Variants in CRAT observed in about 807,000 individuals in gnomAD.
The protein encoded by CRAT is carnitine O-acetyltransferase, also known as carnitine acetylase.
CRAT carries 66 observed loss-of-function variants against 73.7 expected under a neutral mutation model. The ratio of observed to expected loss-of-function variants is 0.90; its 90% confidence interval spans 0.73 to 1.10. The LOEUF (loss-of-function observed/expected upper bound fraction) is 1.10. Among genes scored for constraint, CRAT ranks in the 50% least tolerant of loss-of-function variants. The pLI, the probability that CRAT is intolerant of heterozygous loss-of-function variation, is 0.00. For synonymous variants in CRAT, 321 were observed against 343.2 expected (o/e 0.94, Z 0.71); for missense variants, 745 against 846.9 (o/e 0.88, Z 1.49).
Position 129,110,639 on chromosome 9 carries a change from G to T in CRAT, c.-130C>A. The T allele has an allele frequency of 8.7e-7, 1 of 1,145,508 alleles. No homozygotes were observed. Among genetic ancestry groups the T allele is most frequent in the Non-Finnish European group, 1.2e-6 (1 of 861,416 alleles). 71.0% of individuals were successfully genotyped at this position (1,145,508 alleles called of 1,614,324 possible). On this transcript the variant is annotated 5_prime_UTR_variant, in exon 1 of 14. The change creates a new upstream start codon in the 5' untranslated region. Transcript: ENST00000318080. This position sits in a 1 kb window ranked among gnomAD's most constrained non-coding sequence, Gnocchi z 5.3. ...TTCGGGCCAAGGTCGCTGAGTTACA[G>T]CCGCCAGCCGGTAGAGGCAGCCCCG...
chr9:129,098,276 T>G lies in CRAT; in HGVS notation c.1301A>C (p.Gln434Pro). The G allele has an allele frequency of 6.2e-7, 1 of 1,613,988 alleles. No homozygotes were observed. The highest frequency in any genetic ancestry group is 8.5e-7 in the Non-Finnish European group (1 of 1,180,024). Residue 434 changes from glutamine to proline, a missense_variant, in exon 10 of 14, where the codon CAG becomes CCG. Transcript: ENST00000318080. ...GTAGTAGGCCAGCTGCAAAGCCATC[T>G]GGATGAAGGCATCTGGGCTTAGCTT... Reference protein sequence around the residue: ...SEKLSPDAFIQMALQLAYYRI... With the variant: ...SEKLSPDAFIPMALQLAYYRI...
In CRAT at chr9:129,101,896, G is replaced by T. The variant is rs777161735; in HGVS notation, c.792C>A (p.Asn264Lys). 5 of 1,614,030 alleles carry T rather than the reference G, an allele frequency of 3.1e-6. No homozygotes were observed. The highest frequency in any genetic ancestry group is 3.4e-6 in the Non-Finnish European group (4 of 1,179,974). ...CCCAAGAGGCACCTTTGATGAGGGTGTTGTATGCCTTGGCCCAGGAGTTGC... is the reference window on the plus strand; with the variant it reads ...CCCAAGAGGCACCTTTGATGAGGGTTTTGTATGCCTTGGCCCAGGAGTTGC... Reference protein sequence around the residue: ...NHRNSWAKAYNTLIKDKVNRD... With the variant: ...NHRNSWAKAYKTLIKDKVNRD... Residue 264 changes from asparagine (N) to lysine (K), a missense_variant, in exon 6 of 14, where the codon AAC (asparagine) becomes AAA (lysine). Coordinates refer to ENST00000318080, the MANE Select transcript of CRAT (RefSeq NM_000755.5).
intron 1 of CRAT, chr9:129,108,653 C>A (rs369677858): frequency 8.2e-7 from 1 of 1,222,228 alleles, no homozygotes; most frequent in Non-Finnish European, 1.1e-6. Flanking sequence ...GGGTGAGAGG[C>A]GGCAGAGAGA....
chr9:129,099,746 G>GA, intron 8 of CRAT, 120 bp downstream of exon 8: 3 of 800,310 alleles, frequency 3.7e-6, no homozygotes, highest in Admixed American at 2.8e-5. Flanking sequence ...GGCTTCCTTG[G>GA]AAAAAAACAG....
Position 129,107,904 on chromosome 9 carries a change from C to G in CRAT, c.201G>C (p.Lys67Asn). The G allele has an allele frequency of 6.2e-7, 1 of 1,611,550 alleles. No homozygotes were observed. Among genetic ancestry groups the G allele is most frequent in the Non-Finnish European group, 8.5e-7 (1 of 1,179,944 alleles). Reference protein sequence around the residue: ...IVSEEEWAHTKQLVDEFQASG... With the variant: ...IVSEEEWAHTNQLVDEFQASG... The stretch of plus-strand genomic sequence containing the variant: ...AGGCCTGAAACTCATCCACCAGCTG[C>G]TTGGTGTGGGCCCACTCCTCCTCAC... The change falls in exon 2 of 14, where the codon AAG becomes AAC. Residue 67 changes from lysine to asparagine, a missense_variant. Coordinates refer to ENST00000318080, the MANE Select transcript of CRAT (RefSeq NM_000755.5). This position sits in a 1 kb window ranked among gnomAD's most constrained non-coding sequence, Gnocchi z 5.0.
chr9:129,098,864 AGT>A (rs1847471941), intron 8 of CRAT, among the ~76,000 whole-genome samples: 1 of 143,922 alleles, frequency 6.9e-6, no homozygotes, highest in Non-Finnish European at 1.5e-5. Context: ...CCCAGGCTGG[AGT>A]GCAGTGATGT....
Position 129,110,223 on chromosome 9 carries a change from G to T in CRAT, c.27+260C>A, listed in dbSNP as rs903970757. ...CCTGTCTCTGGGTCTAAGGGTGGGGGTGCTAACTGAAGCCGGGGTCCCCCT... is the reference window on the plus strand; with the variant it reads ...CCTGTCTCTGGGTCTAAGGGTGGGGTTGCTAACTGAAGCCGGGGTCCCCCT... On this transcript the variant is annotated intron_variant, in intron 1 of 13. Coordinates refer to ENST00000318080, the MANE Select transcript of CRAT (RefSeq NM_000755.5). The surrounding 1 kb of genome is among the most constrained non-coding windows in gnomAD (Gnocchi z 5.3). Among the ~76,000 whole-genome samples, 2 of 152,172 alleles carry T rather than the reference G, an allele frequency of 1.3e-5. No homozygotes were observed. Among genetic ancestry groups the T allele is most frequent in the African/African-American group, 4.8e-5 (2 of 41,442 alleles).
intron 4 of CRAT, 69 bp downstream of exon 4, chr9:129,102,944 T>A: frequency 7.1e-7 from 1 of 1,416,748 alleles, no homozygotes; most frequent in Non-Finnish European, 1.0e-6. Context: ...AGGGCTGGGG[T>A]CAGAGGTGGC....
Position 129,100,496 on chromosome 9 carries a change from C to T in CRAT, c.984+15G>A. The T allele has an allele frequency of 6.2e-7, 1 of 1,607,450 alleles. No individual in the cohort carries two copies. Among genetic ancestry groups the T allele is most frequent in the African/African-American group, 1.3e-5 (1 of 74,988 alleles). ...TCAGGTGTGTGTGAGTGGGCGAAGC[C>T]CTGCCGGGCCTCACCTGCAGCGTCT... On this transcript the variant is annotated intron_variant, in intron 7 of 13. Transcript: ENST00000318080.
At chr9:129,097,392 C>A in intron 11 of CRAT, 80 bp from the exon 12 acceptor site, 3 of 1,123,262 alleles carry the variant, frequency 2.7e-6, no homozygotes, top group Non-Finnish European at 3.8e-6. Context: ...CCCCACCCAG[C>A]ACTAGATTCT....
Position 129,095,289 on chromosome 9 carries a change from C to T in CRAT, c.*108G>A. The stretch of plus-strand genomic sequence containing the variant: ...CGTGGCTCAGTAGATTTGGGGGGAC[C>T]AGGGAAGAGGGAACCAAGGAAGAGG... On this transcript the variant is annotated 3_prime_UTR_variant, in exon 14 of 14. Transcript: ENST00000318080. The T allele has an allele frequency of 8.2e-7, 1 of 1,220,988 alleles. No homozygotes were observed. The highest frequency in any genetic ancestry group is 1.2e-6 in the Non-Finnish European group (1 of 864,452). 75.6% of individuals were successfully genotyped at this position (1,220,988 alleles called of 1,614,324 possible).
chr9:129,099,628 A>G (rs1374858309), intron 8 of CRAT, among the ~76,000 whole-genome samples: 1 of 142,266 alleles, frequency 7.0e-6, no homozygotes, highest in Non-Finnish European at 1.5e-5. Flanking sequence ...TAGAGATGGC[A>G]TTTCACCATG....
chr9:129,100,251 C>G, intron 7 of CRAT: 1 of 585,848 alleles, frequency 1.7e-6, no homozygotes, highest in Non-Finnish European at 3.0e-6. Flanking sequence ...CAGGATTGCA[C>G]TGGTGACCCC....
intron 9 of CRAT, 74 bp downstream of exon 9, chr9:129,098,457 G>C: frequency 6.3e-7 from 1 of 1,591,036 alleles, no homozygotes; most frequent in East Asian, 2.2e-5. Flanking sequence ...TGACAGAGCT[G>C]GCACAGGAGC....
chr9:129,102,572 G>T lies in CRAT; in HGVS notation c.465-7C>A. ...CTCCACGGGCAGGGTCTCGCTATGGGGTAGAGGGGCAGTGAGGCCACCACT... is the reference window on the plus strand; with the variant it reads ...CTCCACGGGCAGGGTCTCGCTATGGTGTAGAGGGGCAGTGAGGCCACCACT... On this transcript the variant is annotated splice_polypyrimidine_tract_variant and splice_region_variant and intron_variant, in intron 4 of 13. Transcript: ENST00000318080. The T allele has an allele frequency of 1.2e-6, 2 of 1,613,768 alleles. No individual in the cohort carries two copies. Among genetic ancestry groups the T allele is most frequent in the East Asian group, 2.2e-5 (1 of 44,854 alleles).
Position 129,107,348 on chromosome 9 carries a change from G to A in CRAT, c.291+466C>T, listed in dbSNP as rs1848077144. ...CATCCAGCTGCCACTTTTTAAATCT[G>A]TGTATTGAAGTATGAGATGCAAATA... On this transcript the variant is annotated intron_variant, in intron 2 of 13. Transcript: ENST00000318080. The surrounding 1 kb of genome is among the most constrained non-coding windows in gnomAD (Gnocchi z 5.0). 4.2e-6 allele frequency: 2 copies of A among 472,532 alleles called. No homozygotes were observed. The highest frequency in any genetic ancestry group is 7.6e-6 in the Non-Finnish European group (2 of 261,590). 29.3% of individuals were successfully genotyped at this position (472,532 alleles called of 1,614,324 possible).
chr9:129,102,702 C>T (rs1847764687), intron 4 of CRAT, 137 bp from the exon 5 acceptor site: 2 of 1,050,914 alleles, frequency 1.9e-6, no homozygotes, highest in Admixed American at 2.0e-5. Context: ...CAGGACACCT[C>T]AGGGCTGTGC....
chr9:129,095,270 T>G lies in CRAT; in HGVS notation c.*127A>C. 1 of 1,044,194 alleles carries G rather than the reference T, an allele frequency of 9.6e-7. No homozygotes were observed. The highest frequency in any genetic ancestry group is 1.4e-6 in the Non-Finnish European group (1 of 718,212). The allele number at this position is 1,044,194 out of a possible 1,614,324, so 64.7% of individuals were successfully genotyped here. A position where few individuals can be genotyped will look rare whatever the true frequency, so the allele number is the denominator to read the frequency against. On this transcript the variant is annotated 3_prime_UTR_variant, in exon 14 of 14. Coordinates refer to ENST00000318080, the MANE Select transcript of CRAT (RefSeq NM_000755.5). ...CCCCCTGGAGGATGCGGTCCGTGGCTCAGTAGATTTGGGGGGACCAGGGAA... is the reference window on the plus strand; with the variant it reads ...CCCCCTGGAGGATGCGGTCCGTGGCGCAGTAGATTTGGGGGGACCAGGGAA...
At position 129,098,628 on chromosome 9, in the gene CRAT, A is replaced by T; in HGVS notation, c.1108T>A (p.Ser370Thr). 6.2e-7 allele frequency: 1 copy of T among 1,601,570 alleles called. No individual in the cohort carries two copies. Among genetic ancestry groups the T allele is most frequent in the Non-Finnish European group, 8.5e-7 (1 of 1,176,756 alleles). ...GGCATGGGCAGGGGCACCAGGGGAG[A>T]CCGCACAAGCTCGGGTTTCTTCCTG... The part of the protein sequence containing the change: ...EYTKKPELVR[S>T]PLVPLPMPKK... Residue 370 changes from serine (S) to threonine (T), a missense_variant, in exon 9 of 14, where the codon TCT becomes ACT. Ser to Thr is a moderately conservative substitution (Grantham distance 58). Coordinates refer to ENST00000318080, the MANE Select transcript of CRAT (RefSeq NM_000755.5).
Sources: allele counts gnomAD v4.1 joint callset (sites outside exome capture counted in the v4.1 genomes callset), GRCh38; gene constraint gnomAD v4.1.1; non-coding constraint Gnocchi (gnomAD v3.1); transcripts MANE v1.5; gene names NCBI Gene and HGNC (gene_info 2026-07-23, HGNC 2026-07-21).